Variants in THUMPD3 observed in about 807,000 individuals in gnomAD.
The protein encoded by THUMPD3 is THUMP domain 3 tRNA guanosine methyltransferase, also known as tRNA (guanine(6)-N(2))-methyltransferase THUMP3.
Under a neutral mutation model 54.5 loss-of-function variants are expected in THUMPD3, and 44 were observed. That is an observed-to-expected ratio of 0.81 (90% CI 0.63 to 1.04). THUMPD3 has a LOEUF of 1.04. THUMPD3 is among the 50% of genes least tolerant of loss of function. The probability of loss-of-function intolerance (pLI) is 0.00; values close to 1 mark genes in which losing one functional copy is unlikely to be tolerated. For synonymous variants in THUMPD3, 196 were observed against 201.4 expected (o/e 0.97, Z 0.23); for missense variants, 604 against 601.3 (o/e 1.00, Z -0.05).
intron 7 of THUMPD3, among the ~76,000 whole-genome samples, chr3:9,381,853 C>T (rs2032938005): frequency 7.3e-6 from 1 of 137,424 alleles, no homozygotes; most frequent in African/African-American, 2.8e-5. Flanking sequence ...GATCTCGGCT[C>T]ACTGCAAGCT....
intron 4 of THUMPD3, among the ~76,000 whole-genome samples, chr3:9,372,131 C>G (rs2032096298): frequency 6.6e-6 from 1 of 152,212 alleles, no homozygotes; most frequent in Non-Finnish European, 1.5e-5. Context: ...CTTGGCCTCC[C>G]AAAGTGCTGG....
chr3:9,380,022 A>G (rs909964035), intron 6 of THUMPD3, among the ~76,000 whole-genome samples: 3 of 152,184 alleles, frequency 2.0e-5, no homozygotes, highest in East Asian at 1.9e-4. Flanking sequence ...ATTTTCAAAT[A>G]TATCAGATTA....
At position 9,384,852 on chromosome 3, in the gene THUMPD3, A is replaced by C. The variant is rs1343095714; in HGVS notation, c.*164A>C. On this transcript the variant is annotated 3_prime_UTR_variant, in exon 10 of 10. Coordinates refer to ENST00000452837, the MANE Select transcript of THUMPD3 (RefSeq NM_001114092.2). Reference sequence around the variant, plus strand: ...TGTGAATGTAATGTGATGGAATTTAAAAGTTTTATGAGACCAGGCACAGTG... The same window carrying C: ...TGTGAATGTAATGTGATGGAATTTACAAGTTTTATGAGACCAGGCACAGTG... The C allele has an allele frequency of 2.5e-6, 2 of 800,374 alleles. No individual in the cohort carries two copies. The highest frequency in any genetic ancestry group is 5.4e-5 in the East Asian group (2 of 36,882). 49.6% of individuals were successfully genotyped at this position (800,374 alleles called of 1,614,324 possible). A position where few individuals can be genotyped will look rare whatever the true frequency, so the allele number is the denominator to read the frequency against.
At position 9,384,579 on chromosome 3, in the gene THUMPD3, T is replaced by G. The variant is rs750726712; in HGVS notation, c.1415T>G (p.Val472Gly). ...AAGGTGGATACAGTCTGGGTGAACG[T>G]TGGTGGTCTTCGTGCTGCAGTTTAC... ...WRKVDTVWVN[V>G]GGLRAAVYVL... is the part of the protein sequence containing the mutation. Residue 472 changes from valine (V) to glycine (G), a missense_variant, in exon 10 of 10, where the codon GTT (valine) becomes GGT (glycine). Physicochemically the swap from Val to Gly is moderately radical, Grantham distance 109 (BLOSUM62 -3). Transcript: ENST00000452837. 6.2e-7 allele frequency: 1 copy of G among 1,614,170 alleles called. No individual in the cohort carries two copies. The highest frequency in any genetic ancestry group is 8.5e-7 in the Non-Finnish European group (1 of 1,180,002).
chr3:9,383,642 G>C (rs62246268), intron 8 of THUMPD3, among the ~76,000 whole-genome samples: 1 of 149,468 alleles, frequency 6.7e-6, no homozygotes, highest in African/African-American at 2.5e-5. Flanking sequence ...TTTTTTTTTG[G>C]AGACAGAGCC....
At position 9,380,533 on chromosome 3, in the gene THUMPD3, A is replaced by T; in HGVS notation, c.1039A>T (p.Ile347Phe). 6.2e-7 allele frequency: 1 copy of T among 1,613,500 alleles called. No individual in the cohort carries two copies. The highest frequency in any genetic ancestry group is 8.5e-7 in the Non-Finnish European group (1 of 1,179,678). ...GATEWSDCFHIAGDNNPLAVN... is the reference protein window; with the variant it reads ...GATEWSDCFHFAGDNNPLAVN... ...CACTGAATGGTCTGACTGTTTCCATATTGCTGGTGATAATAATCCACTGGC... is the reference window on the plus strand; with the variant it reads ...CACTGAATGGTCTGACTGTTTCCATTTTGCTGGTGATAATAATCCACTGGC... The change falls in exon 7 of 10, where the codon ATT becomes TTT. Residue 347 changes from isoleucine (I) to phenylalanine (F), a missense_variant. Physicochemically the swap from Ile to Phe is conservative, Grantham distance 21 (BLOSUM62 0). Transcript: ENST00000452837.
intron 3 of THUMPD3, among the ~76,000 whole-genome samples, chr3:9,370,244 C>T (rs1028654284): frequency 2.0e-5 from 3 of 152,166 alleles, no homozygotes; most frequent in South Asian, 2.1e-4. Flanking sequence ...ACAATCCCTA[C>T]ACTTGTTTTC....
At chr3:9,377,243 T>G (rs2032527285) in intron 5 of THUMPD3, among the ~76,000 whole-genome samples, 1 of 152,158 alleles carries the variant, frequency 6.6e-6, no homozygotes, top group East Asian at 1.9e-4. Context: ...TACTTTAAGA[T>G]GTCTGCAAAC....
chr3:9,368,244 G>A (rs1265515556), intron 3 of THUMPD3, among the ~76,000 whole-genome samples: 5 of 151,884 alleles, frequency 3.3e-5, no homozygotes, highest in African/African-American at 1.2e-4. Context: ...ATGTTGCCCA[G>A]GCTGGTCTCA....
At chr3:9,382,228 C>G (rs952099395) in intron 7 of THUMPD3, among the ~76,000 whole-genome samples, 1 of 151,792 alleles carries the variant, frequency 6.6e-6, no homozygotes, top group Non-Finnish European at 1.5e-5. Flanking sequence ...GCATTTTTTT[C>G]TTAAATTCTT....
In THUMPD3 at chr3:9,384,341, A is replaced by G. The variant is rs1575088723; in HGVS notation, c.1359+6A>G. 6.2e-7 allele frequency: 1 copy of G among 1,608,092 alleles called. No homozygotes were observed. On this transcript the variant is annotated splice_donor_region_variant and intron_variant, in intron 9 of 9. Transcript: ENST00000452837. The stretch of plus-strand genomic sequence containing the variant: ...ACACAAAATGCTTTACCAAGGTGCT[A>G]TACACATTAGCTCAAAATCGCAGCC...
chr3:9,372,599 T>C (rs1308642440), intron 4 of THUMPD3, among the ~76,000 whole-genome samples: 1 of 151,942 alleles, frequency 6.6e-6, no homozygotes, highest in African/African-American at 2.4e-5. Flanking sequence ...AAAAAGTGCA[T>C]TTTTTAAACA....
At chr3:9,383,362 C>A in intron 8 of THUMPD3, 53 bp downstream of exon 8, 1 of 1,399,672 alleles carries the variant, frequency 7.1e-7, no homozygotes, top group Non-Finnish European at 1.0e-6. Context: ...ATTTTCCTTG[C>A]GTTTATTCTA....
chr3:9,374,644 C>G lies in THUMPD3; in HGVS notation c.936C>G (p.Leu312=). 1 of 1,612,960 alleles carries G rather than the reference C, an allele frequency of 6.2e-7. No individual in the cohort carries two copies. The highest frequency in any genetic ancestry group is 8.5e-7 in the Non-Finnish European group (1 of 1,179,656). Reference sequence around the variant, plus strand: ...GATCAACTCTTGCCTATGGGATGCTCAGGTAAGAAAATGAGTTTGCCATCC... The same window carrying G: ...GATCAACTCTTGCCTATGGGATGCTGAGGTAAGAAAATGAGTTTGCCATCC... The part of the protein sequence containing the change: ...TLRSTLAYGM[L]RLCDPLPYDI... Residue 312 remains leucine, a splice_region_variant and synonymous_variant, in exon 5 of 10, where the codon CTC becomes CTG. Coordinates refer to ENST00000452837, the MANE Select transcript of THUMPD3 (RefSeq NM_001114092.2).
intron 4 of THUMPD3, 78 bp downstream of exon 4, chr3:9,371,614 T>C (rs2032046509): frequency 5.7e-6 from 7 of 1,228,730 alleles, no homozygotes; most frequent in South Asian, 1.4e-5. Flanking sequence ...CCCAATGTTA[T>C]GCACAATTAA....
At chr3:9,376,248 A>G (rs1270372248) in intron 5 of THUMPD3, among the ~76,000 whole-genome samples, 2 of 152,202 alleles carry the variant, frequency 1.3e-5, no homozygotes, top group Admixed American at 1.3e-4. Context: ...GAAAAACTGA[A>G]TGTTGGTTCT....
chr3:9,368,674 T>G (rs1220473151), intron 3 of THUMPD3, among the ~76,000 whole-genome samples: 1 of 152,166 alleles, frequency 6.6e-6, no homozygotes, highest in Non-Finnish European at 1.5e-5. Flanking sequence ...ATCTGCCTTT[T>G]TAAAAGTATG....
At chr3:9,372,873 A>C (rs1018326805) in intron 4 of THUMPD3, among the ~76,000 whole-genome samples, 1 of 152,200 alleles carries the variant, frequency 6.6e-6, no homozygotes, top group Non-Finnish European at 1.5e-5. Flanking sequence ...GGGACACTTG[A>C]ATCTGGGGCA....
At position 9,371,512 on chromosome 3, in the gene THUMPD3, C is replaced by T. The variant is rs753318482; in HGVS notation, c.783C>T (p.Ala261=). 11 of 1,613,024 alleles carry T rather than the reference C, an allele frequency of 6.8e-6. No individual in the cohort carries two copies. Among genetic ancestry groups the T allele is most frequent in the East Asian group, 6.7e-5 (3 of 44,874 alleles). Residue 261 remains alanine, a synonymous_variant, in exon 4 of 10, where the codon GCC becomes GCT. Transcript: ENST00000452837. ...GAVQDYFKWK[A]DMTNFDVEVL... is the part of the protein sequence containing the mutation. The stretch of plus-strand genomic sequence containing the variant: ...TTCAAGATTATTTTAAGTGGAAGGC[C>T]GACATGACCAACTTTGATGTGGAGG...
Sources: allele counts gnomAD v4.1 joint callset (sites outside exome capture counted in the v4.1 genomes callset), GRCh38; gene constraint gnomAD v4.1.1; transcripts MANE v1.5; gene names NCBI Gene and HGNC (gene_info 2026-07-23, HGNC 2026-07-21).